The following POLM variants were observed in gnomAD, a reference collection of about 807,000 sequenced individuals.
POLM encodes DNA-directed DNA/RNA polymerase mu.
In POLM, 52 loss-of-function variants were observed where a neutral mutation model predicts 56.7. The ratio of observed to expected loss-of-function variants is 0.92; its 90% CI spans 0.73 to 1.15. The LOEUF (loss-of-function observed/expected upper bound fraction) is 1.15, where lower values mean the gene tolerates loss of function less well. POLM is among the 50% of genes most tolerant of loss of function. POLM has a pLI of 0.00. For synonymous variants in POLM, 273 were observed against 274.3 expected, an observed-to-expected ratio of 1.00 and a Z score of 0.05; for missense variants, 660 against 663.6, an observed-to-expected ratio of 0.99 and a Z score of 0.06.
At chr7:44,074,986 G>A (rs970927537) in intron 6 of POLM, among the ~76,000 whole-genome samples, 1 of 152,198 alleles carries the variant, frequency 6.6e-6, no homozygotes, top group African/African-American at 2.4e-5. Context: ...TTGCCATGAC[G>A]AACACCTCAC....
intron 1 of POLM, 133 bp from the exon 2 acceptor site, chr7:44,081,049 G>A: frequency 2.8e-6 from 2 of 703,148 alleles, no homozygotes; most frequent in Non-Finnish European, 2.3e-6. Flanking sequence ...ACCTCCTCCA[G>A]AAAGCCTTCC....
At chr7:44,074,551 C>T (rs1410266375) in intron 6 of POLM, 21 bp from the exon 7 acceptor site, 2 of 1,531,800 alleles carry the variant, frequency 1.3e-6, no homozygotes, top group Non-Finnish European at 1.8e-6. Context: ...CACCGGCCCT[C>T]CTGACTCACC....
intron 6 of POLM, chr7:44,075,718 CTT>C (rs1199628874): frequency 1.7e-4 from 23 of 132,996 alleles, no homozygotes; most frequent in Admixed American, 5.5e-4. Context: ...TCCTTCCCAC[CTT>C]TTTTTTTTTT....
Position 44,080,029 on chromosome 7 carries a change from C to G in POLM, c.373-70G>C, listed in dbSNP as rs960306218. ...GCAGGAGAGCCAGGCCGTACTCAGGCTTTGTTTCTCCTGGGGTGTCCAACT... is the reference window on the plus strand; with the variant it reads ...GCAGGAGAGCCAGGCCGTACTCAGGGTTTGTTTCTCCTGGGGTGTCCAACT... On this transcript the variant is annotated intron_variant, in intron 2 of 10. Coordinates refer to ENST00000242248, the MANE Select transcript of POLM (RefSeq NM_013284.4). 6.9e-6 allele frequency: 8 copies of G among 1,158,130 alleles called. No homozygotes were observed. In the African/African-American group the frequency reaches 1.2e-4, roughly 18 times the overall value. 71.7% of individuals were successfully genotyped at this position (1,158,130 alleles called of 1,614,324 possible).
At chr7:44,079,528 T>TGGGGGGGGGGGGGGG in intron 4 of POLM, 43 bp downstream of exon 4, 1 of 1,506,364 alleles carries the variant, frequency 6.6e-7, no homozygotes, top group Non-Finnish European at 9.1e-7. Flanking sequence ...CCCCAAGGCC[T>TGGGGGGGGGGGGGGG]CCCCACCCAC....
In POLM at chr7:44,073,632, G is replaced by A. The variant is rs201141182; in HGVS notation, c.1391C>T (p.Pro464Leu). Reference protein sequence around the residue: ...LWLNSHGLFDPEQKTFFQAAS... With the variant: ...LWLNSHGLFDLEQKTFFQAAS... ...CAGTCCCCAACAATGTACCTGCTCC[G>A]GGTCAAACAGCCCATGGCTGTTCAG... The change falls in exon 10 of 11, where the codon CCG becomes CTG. Residue 464 changes from proline (P) to leucine (L), a missense_variant. Coordinates refer to ENST00000242248, the MANE Select transcript of POLM (RefSeq NM_013284.4). 2.2e-5 allele frequency: 35 copies of A among 1,613,860 alleles called. No individual in the cohort carries two copies. The highest frequency in any genetic ancestry group is 3.3e-5 in the Admixed American group (2 of 60,002).
At chr7:44,073,733 C>G (rs1007862567) in intron 9 of POLM, 25 bp from the exon 10 acceptor site, 2 of 1,614,144 alleles carry the variant, frequency 1.2e-6, no homozygotes, top group Non-Finnish European at 1.7e-6. Context: ...TTGTCCTCAG[C>G]AGGGCTGGCC....
At position 44,073,885 on chromosome 7, in the gene POLM, T is replaced by TC. The variant is rs754029158; in HGVS notation, c.1211dup (p.Ser405IlefsTer59). On this transcript the variant is annotated frameshift_variant, in exon 9 of 11. Coordinates refer to ENST00000242248, the MANE Select transcript of POLM (RefSeq NM_013284.4). LOFTEE classifies it high-confidence loss of function. ...TCCAGGATGGGCAGGGCCTCGTGGA[T>TC]CCCCCCACAGCAGCCCCTGGAGGTT... is the stretch of plus-strand genomic sequence containing the variant. The TC allele has an allele frequency of 3.7e-6, 6 of 1,614,084 alleles. No homozygotes were observed. Among genetic ancestry groups the TC allele is most frequent in the Non-Finnish European group, 5.1e-6 (6 of 1,180,004 alleles).
chr7:44,079,801 C>T (rs1333857605), intron 3 of POLM, 60 bp from the exon 4 acceptor site: 3 of 1,610,024 alleles, frequency 1.9e-6, no homozygotes, highest in Admixed American at 1.7e-5. Context: ...CCACCTACCA[C>T]CCATCTGTAC....
At position 44,072,571 on chromosome 7, in the gene POLM, CTA is replaced by C. The variant is rs1445384536; in HGVS notation, c.*718_*719del. ...GCTGGAGAGATGCCAGAGCCAGGGG[CTA>C]TGTGTGGACTTAGGGTTTGGAACCA... On this transcript the variant is annotated 3_prime_UTR_variant, in exon 11 of 11. Transcript: ENST00000242248. 1 of 152,426 alleles carries C rather than the reference CTA, an allele frequency of 6.6e-6. No individual in the cohort carries two copies. Among genetic ancestry groups the C allele is most frequent in the Middle Eastern group, 3.2e-3 (1 of 316 alleles). The allele number at this position is 152,426 out of a possible 1,614,324, so 9.4% of individuals were successfully genotyped here. A position where few individuals can be genotyped will look rare whatever the true frequency, so the allele number is the denominator to read the frequency against.
Position 44,072,786 on chromosome 7 carries a change from A to C in POLM, c.*505T>G, listed in dbSNP as rs184872334. 134 of 309,760 alleles carry C rather than the reference A, an allele frequency of 4.3e-4. No individual in the cohort carries two copies. Among genetic ancestry groups the C allele is most frequent in the African/African-American group, 2.6e-3 (124 of 47,016 alleles). 19.2% of individuals were successfully genotyped at this position (309,760 alleles called of 1,614,324 possible). On this transcript the variant is annotated 3_prime_UTR_variant, in exon 11 of 11. Transcript: ENST00000242248. ...CTCCCTCTCCAGATGCCTACAGCAC[A>C]CCAGACAGTAGGCTCCTTGCTGGCA...
intron 6 of POLM, among the ~76,000 whole-genome samples, chr7:44,075,512 C>CG (rs2096181019): frequency 1.3e-5 from 2 of 152,248 alleles, no homozygotes; most frequent in Admixed American, 1.3e-4. Flanking sequence ...GGCAGTGGCC[C>CG]GGGGGAAGAT....
chr7:44,080,419 T>G (rs2096196487), intron 2 of POLM: 2 of 574,672 alleles, frequency 3.5e-6, no homozygotes. Context: ...TGCTAACCCA[T>G]GGGTCATCCC....
At chr7:44,077,532 C>T (rs2096187110) in intron 5 of POLM, among the ~76,000 whole-genome samples, 1 of 152,224 alleles carries the variant, frequency 6.6e-6, no homozygotes, top group African/African-American at 2.4e-5. Context: ...CTTCTCATTA[C>T]TAATGTAATT....
Position 44,074,382 on chromosome 7 carries a change from C to A in POLM, c.968+16G>T. The stretch of plus-strand genomic sequence containing the variant: ...GGTCTGAAGCCAAGCCAGAGGGGCA[C>A]GTCGGGCCTTCTTACCTGCGGAAGC... On this transcript the variant is annotated intron_variant, in intron 7 of 10. Coordinates refer to ENST00000242248, the MANE Select transcript of POLM (RefSeq NM_013284.4). 6.4e-7 allele frequency: 1 copy of A among 1,552,548 alleles called. No homozygotes were observed. Among genetic ancestry groups the A allele is most frequent in the South Asian group, 1.2e-5 (1 of 84,134 alleles).
chr7:44,074,247 T>C lies in POLM; in HGVS notation c.969-14A>G. 6.4e-7 allele frequency: 1 copy of C among 1,559,010 alleles called. No individual in the cohort carries two copies. On this transcript the variant is annotated splice_polypyrimidine_tract_variant and intron_variant, in intron 7 of 10. Coordinates refer to ENST00000242248, the MANE Select transcript of POLM (RefSeq NM_013284.4). ...TGCAACTTCCCCCTGAGGGCGTCAG[T>C]CTGACTCTGACTCAGGGACACGGCC... is the stretch of plus-strand genomic sequence containing the variant.
chr7:44,074,485 T>A lies in POLM; in HGVS notation c.881A>T (p.Asp294Val). The A allele has an allele frequency of 1.3e-6, 2 of 1,598,162 alleles. No individual in the cohort carries two copies. Residue 294 changes from aspartate (D) to valine (V), a missense_variant, in exon 7 of 11, where the codon GAT (aspartate) becomes GTT (valine). Asp to Val is a radical substitution (Grantham distance 152). Coordinates refer to ENST00000242248, the MANE Select transcript of POLM (RefSeq NM_013284.4). ...QDLSTPVLRS[D>V]VDALQQVVEE... ...CACCACCTGCTGCAGGGCATCTACATCGGACCGCAGGACTGGGGTGCTCAG... is the reference window on the plus strand; with the variant it reads ...CACCACCTGCTGCAGGGCATCTACAACGGACCGCAGGACTGGGGTGCTCAG...
chr7:44,073,033 C>T lies in POLM; in HGVS notation c.*258G>A. On this transcript the variant is annotated 3_prime_UTR_variant, in exon 11 of 11. Transcript: ENST00000242248. ...ATCCCATCCAGGGCAGGAACGTGAG[C>T]CATGGGGAGGCTAAGAGCAGACCCA... 7.5e-7 allele frequency: 1 copy of T among 1,335,524 alleles called. No individual in the cohort carries two copies. The highest frequency in any genetic ancestry group is 9.9e-7 in the Non-Finnish European group (1 of 1,011,586). 82.7% of individuals were successfully genotyped at this position (1,335,524 alleles called of 1,614,324 possible).
At chr7:44,079,992 G>T in intron 2 of POLM, 33 bp from the exon 3 acceptor site, 1 of 1,481,200 alleles carries the variant, frequency 6.8e-7, no homozygotes. Context: ...TCACTGTGAG[G>T]CTGCAGGGCT....
Sources: gnomAD v4.1 joint callset for allele counts (sites outside exome capture counted in the v4.1 genomes callset) on GRCh38, gnomAD v4.1.1 for gene constraint, MANE v1.5 for transcripts, NCBI Gene and HGNC (gene_info 2026-07-23, HGNC 2026-07-21) for gene names.